Variants in PTDSS1 observed in about 807,000 individuals in gnomAD.
The protein encoded by PTDSS1 is phosphatidylserine synthase 1, also known as PSS-1.
A neutral mutation model predicts 70.5 loss-of-function variants in PTDSS1; 45 were observed. The ratio of observed to expected loss-of-function variants is 0.64; its 90% CI spans 0.50 to 0.82. PTDSS1 has a LOEUF of 0.82. PTDSS1 is among the 40% of genes least tolerant of loss of function. PTDSS1 has a pLI of 0.00. For synonymous variants in PTDSS1, 188 were observed against 203.8 expected, an observed-to-expected ratio of 0.92 and a Z score of 0.66; for missense variants, 417 against 586.1, an observed-to-expected ratio of 0.71 and a Z score of 2.98.
intron 10 of PTDSS1, 32 bp from the exon 11 acceptor site, chr8:96,330,181 T>C: frequency 1.3e-6 from 2 of 1,585,028 alleles, no homozygotes; most frequent in Non-Finnish European, 1.7e-6. Flanking sequence ...ATTGAACTTT[T>C]TTGTGCAGCA....
chr8:96,281,305 C>T (rs1025169650), intron 2 of PTDSS1, among the ~76,000 whole-genome samples: 2 of 152,188 alleles, frequency 1.3e-5, no homozygotes, highest in African/African-American at 4.8e-5. Context: ...TTCAGAGTTT[C>T]TTCTCAGGAG....
At chr8:96,300,202 T>A (rs1811031718) in intron 6 of PTDSS1, among the ~76,000 whole-genome samples, 1 of 152,146 alleles carries the variant, frequency 6.6e-6, no homozygotes, top group African/African-American at 2.4e-5. Context: ...CCTCCAGTCC[T>A]TCCCACACCA....
intron 1 of PTDSS1, among the ~76,000 whole-genome samples, chr8:96,266,511 G>A (rs1218591161): frequency 6.6e-6 from 1 of 152,144 alleles, no homozygotes; most frequent in Non-Finnish European, 1.5e-5. Context: ...ATACTTGCTA[G>A]CATTCCCTGT....
chr8:96,329,162 A>C (rs11784595), intron 10 of PTDSS1, among the ~76,000 whole-genome samples: 61,704 of 152,050 alleles, frequency 0.41, 13,456 homozygotes, highest in East Asian at 0.6. Flanking sequence ...AGTTGGTGCA[A>C]GATGAGAGGG....
At chr8:96,312,173 C>T (rs1469334667) in intron 9 of PTDSS1, among the ~76,000 whole-genome samples, 3 of 152,210 alleles carry the variant, frequency 2.0e-5, no homozygotes, top group Non-Finnish European at 4.4e-5. Flanking sequence ...AGGTAAACTC[C>T]ACTATGGCGG....
rs369274629 is a variant in PTDSS1 at position 96,310,808 on chromosome 8, C to G, written c.1073+1186C>G. Among the ~76,000 whole-genome samples the G allele has an allele frequency of 1.1e-4, 16 of 152,022 alleles. No individual in the cohort carries two copies. The East Asian group carries it at 3.1e-3, about 29-fold the overall frequency. ...TTTTTGAGACGGAGTGTTCTGTCGCCAGGCTGGAGTACAGTGGCGTGATCT... is the reference window on the plus strand; with the variant it reads ...TTTTTGAGACGGAGTGTTCTGTCGCGAGGCTGGAGTACAGTGGCGTGATCT... On this transcript the variant is annotated intron_variant, in intron 9 of 12. Coordinates refer to ENST00000517309, the MANE Select transcript of PTDSS1 (RefSeq NM_014754.3).
At chr8:96,307,179 C>G (rs1811137387) in intron 8 of PTDSS1, among the ~76,000 whole-genome samples, 1 of 152,036 alleles carries the variant, frequency 6.6e-6, no homozygotes, top group African/African-American at 2.4e-5. Flanking sequence ...TTCATTTTTC[C>G]TATTTAGAAA....
chr8:96,299,416 G>A (rs1392037152), intron 5 of PTDSS1, among the ~76,000 whole-genome samples: 3 of 152,240 alleles, frequency 2.0e-5, no homozygotes, highest in South Asian at 2.1e-4. Context: ...TTAATTGGTA[G>A]TATTTTTCAA....
Position 96,334,294 on chromosome 8 carries a change from A to G in PTDSS1, c.*728A>G, listed in dbSNP as rs1165936681. ...ATTCCCTTCCCAATATTATTCATCC[A>G]GACTTAGCCACAGTGCACAAAAGCA... On this transcript the variant is annotated 3_prime_UTR_variant, in exon 13 of 13. Coordinates refer to ENST00000517309, the MANE Select transcript of PTDSS1 (RefSeq NM_014754.3). The G allele has an allele frequency of 1.3e-5, 2 of 153,384 alleles. No homozygotes were observed. Among genetic ancestry groups the G allele is most frequent in the African/African-American group, 4.8e-5 (2 of 41,480 alleles). The allele number at this position is 153,384 out of a possible 1,614,324, so 9.5% of individuals were successfully genotyped here. A position where few individuals can be genotyped will look rare whatever the true frequency, so the allele number is the denominator to read the frequency against.
intron 1 of PTDSS1, among the ~76,000 whole-genome samples, chr8:96,269,525 T>A (rs928224384): frequency 1.3e-5 from 2 of 152,150 alleles, no homozygotes; most frequent in Non-Finnish European, 2.9e-5. Flanking sequence ...CATGTCTTAG[T>A]TGAGCAAGTA....
chr8:96,330,622 T>C lies in PTDSS1; in HGVS notation c.1242+341T>C, dbSNP rs1384860987. On this transcript the variant is annotated intron_variant, in intron 11 of 12. Coordinates refer to ENST00000517309, the MANE Select transcript of PTDSS1 (RefSeq NM_014754.3). Reference sequence around the variant, plus strand: ...AGCTCTTGAACTGTGTGGAGGCCTCTTCCTGTGTTCCGGCCTGTGGCTCTT... The same window carrying C: ...AGCTCTTGAACTGTGTGGAGGCCTCCTCCTGTGTTCCGGCCTGTGGCTCTT... 1.0e-5 allele frequency: 4 copies of C among 382,576 alleles called. No homozygotes were observed. The Admixed American group carries it at 1.6e-4, about 15-fold the overall frequency. 23.7% of individuals were successfully genotyped at this position (382,576 alleles called of 1,614,324 possible).
intron 9 of PTDSS1, 115 bp downstream of exon 9, chr8:96,309,737 G>A: frequency 2.3e-6 from 2 of 855,702 alleles, no homozygotes; most frequent in South Asian, 1.6e-5. Context: ...GAAGACAGGT[G>A]GACTAGATTT....
chr8:96,302,224 G>T lies in PTDSS1; in HGVS notation c.753-1816G>T, dbSNP rs1811060270. 2.0e-5 allele frequency among the ~76,000 whole-genome samples: 3 copies of T among 151,972 alleles called. No homozygotes were observed. The South Asian group carries it at 6.2e-4, about 32-fold the overall frequency. ...TTTTTGTATTGTTAGTAGAGACAGG[G>T]TTTCTCCATGTTGGCCAGGCTAGTC... On this transcript the variant is annotated intron_variant, in intron 6 of 12. Coordinates refer to ENST00000517309, the MANE Select transcript of PTDSS1 (RefSeq NM_014754.3).
Position 96,283,966 on chromosome 8 carries a change from G to T in PTDSS1, c.272-143G>T, listed in dbSNP as rs142992294. ...ATTTCAACCAAACTTTGACCTCAAA[G>T]TGTTTATGTAGAAAAAAAAAAAAAA... On this transcript the variant is annotated intron_variant, in intron 2 of 12. Coordinates refer to ENST00000517309, the MANE Select transcript of PTDSS1 (RefSeq NM_014754.3). The T allele has an allele frequency of 8.3e-4, 484 of 583,396 alleles. 7 individuals are homozygous for T. Among genetic ancestry groups the T allele is most frequent in the African/African-American group, 7.7e-3 (399 of 51,788 alleles). 36.1% of individuals were successfully genotyped at this position (583,396 alleles called of 1,614,324 possible). A position where few individuals can be genotyped will look rare whatever the true frequency, so the allele number is the denominator to read the frequency against.
At chr8:96,294,210 T>C (rs1810944802) in intron 4 of PTDSS1, among the ~76,000 whole-genome samples, 1 of 152,218 alleles carries the variant, frequency 6.6e-6, no homozygotes, top group Admixed American at 6.5e-5. Context: ...ACAGGGAAGC[T>C]CTTTTGCTCT....
At chr8:96,314,903 C>T (rs1586205056) in intron 9 of PTDSS1, among the ~76,000 whole-genome samples, 1 of 151,810 alleles carries the variant, frequency 6.6e-6, no homozygotes, top group African/African-American at 2.4e-5. Flanking sequence ...GCCTACAAAG[C>T]TTTTTTTTAG....
intron 1 of PTDSS1, among the ~76,000 whole-genome samples, chr8:96,269,813 T>G (rs1402349363): frequency 1.3e-5 from 2 of 152,156 alleles, no homozygotes; most frequent in Non-Finnish European, 2.9e-5. Context: ...AAGGGCCATG[T>G]CTCTTTATCT....
At chr8:96,287,566 C>G (rs1810841571) in intron 4 of PTDSS1, among the ~76,000 whole-genome samples, 1 of 145,024 alleles carries the variant, frequency 6.9e-6, no homozygotes, top group Non-Finnish European at 1.6e-5. Context: ...CCATGGTGCC[C>G]CCAACACCCC....
At position 96,299,793 on chromosome 8, in the gene PTDSS1, A is replaced by C. The variant is rs754291059; in HGVS notation, c.700A>C (p.Met234Leu). Reference protein sequence around the residue: ...LCNGGGIWLGMVVCRFLEMRT... With the variant: ...LCNGGGIWLGLVVCRFLEMRT... The stretch of plus-strand genomic sequence containing the variant: ...CAATGGCGGTGGCATTTGGCTGGGC[A>C]TGGTCGTTTGCCGGTTTTTAGAGAT... The change falls in exon 6 of 13, where the codon ATG becomes CTG. Residue 234 changes from methionine to leucine, a missense_variant. This residue lies in a region of PTDSS1 where 272 missense variants were observed against 429.5 expected (regional missense o/e 0.63). Transcript: ENST00000517309. 8 of 1,614,118 alleles carry C rather than the reference A, an allele frequency of 5.0e-6. No homozygotes were observed. The highest frequency in any genetic ancestry group is 6.8e-6 in the Non-Finnish European group (8 of 1,180,016).
Sources: allele counts gnomAD v4.1 joint callset (sites outside exome capture counted in the v4.1 genomes callset), GRCh38; gene constraint gnomAD v4.1.1; regional missense constraint gnomAD v4.1.1; transcripts MANE v1.5; gene names NCBI Gene and HGNC (gene_info 2026-07-23, HGNC 2026-07-21).